Variants in PSMA1 observed in about 807,000 individuals in gnomAD.
PSMA1 encodes the protein proteasome 20S subunit alpha 1.
PSMA1 carries 3 observed loss-of-function variants against 38.4 expected under a neutral mutation model. The observed-to-expected ratio is 0.08, with a 90% CI of 0.04 to 0.20. The LOEUF is 0.20. PSMA1 is among the 10% of genes least tolerant of loss of function. PSMA1 has a pLI of 1.00. For missense variants in PSMA1, 227 were observed against 325.3 expected (o/e 0.70, Z 2.32); for synonymous variants, 101 against 107.1 (o/e 0.94, Z 0.35).
intron 2 of PSMA1, among the ~76,000 whole-genome samples, chr11:14,601,794 C>T (rs1331295674): frequency 2.0e-5 from 3 of 152,150 alleles, no homozygotes; most frequent in Non-Finnish European, 4.4e-5. Flanking sequence ...GATTAAAATC[C>T]AAGTTGTCTA....
chr11:14,620,839 C>A lies in PSMA1; in HGVS notation c.-165-9688G>T, dbSNP rs367604492. ...GACCCTGAAATTATTTCACAGCTCTCATTGTGAAAATTGTTGGGAAAGTTT... is the reference window on the plus strand; with the variant it reads ...GACCCTGAAATTATTTCACAGCTCTAATTGTGAAAATTGTTGGGAAAGTTT... On this transcript the variant is annotated intron_variant, in intron 1 of 10. Coordinates refer to the PSMA1 transcript ENST00000418988. Among the ~76,000 whole-genome samples, 9 of 152,296 alleles carry A rather than the reference C, an allele frequency of 5.9e-5. No individual in the cohort carries two copies. The East Asian group carries it at 1.5e-3, about 26-fold the overall frequency.
intron 2 of PSMA1, among the ~76,000 whole-genome samples, chr11:14,606,606 A>AGAAACATGCAC (rs1852646497): frequency 6.6e-6 from 1 of 152,234 alleles, no homozygotes; most frequent in Admixed American, 6.5e-5. Context: ...GGATGTTTCT[A>AGAAACATGCAC]ATTCATGTGC....
At chr11:14,622,659 G>C (rs1255448881) in intron 1 of PSMA1, among the ~76,000 whole-genome samples, 7 of 152,188 alleles carry the variant, frequency 4.6e-5, no homozygotes, top group Non-Finnish European at 8.8e-5. Flanking sequence ...TGAAGTGGCT[G>C]GTAGGCCTCT....
Position 14,517,627 on chromosome 11 carries a change from CA to C in PSMA1, c.254+14del. ...TGAAACAAAAAGGATGTTTATTTTT[CA>C]TGATTATACTTACCATAACAGTCTA... is the stretch of plus-strand genomic sequence containing the variant. On this transcript the variant is annotated intron_variant, in intron 4 of 9. Transcript: ENST00000396394. The C allele has an allele frequency of 3.3e-6, 5 of 1,497,146 alleles. No individual in the cohort carries two copies. Among genetic ancestry groups the C allele is most frequent in the Non-Finnish European group, 4.5e-6 (5 of 1,111,460 alleles). The allele number at this position is 1,497,146 out of a possible 1,614,324, so 92.7% of individuals were successfully genotyped here.
At chr11:14,552,135 G>C (rs1851892322) in intron 2 of PSMA1, among the ~76,000 whole-genome samples, 1 of 152,176 alleles carries the variant, frequency 6.6e-6, no homozygotes, top group Non-Finnish European at 1.5e-5. Context: ...GTTTCCCTGA[G>C]GCTGGAGAGG....
At position 14,534,606 on chromosome 11, in the gene PSMA1, G is replaced by T. The variant is rs1246013634; in HGVS notation, c.22-15565C>A. Among the ~76,000 whole-genome samples, 1 of 151,978 alleles carries T rather than the reference G, an allele frequency of 6.6e-6. No individual in the cohort carries two copies. Among genetic ancestry groups the T allele is most frequent in the East Asian group, 1.9e-4 (1 of 5,188 alleles). On this transcript the variant is annotated intron_variant, in intron 2 of 10. Coordinates refer to the PSMA1 transcript ENST00000418988. This position sits in a 1 kb window ranked among gnomAD's most constrained non-coding sequence, Gnocchi z 4.5. ...CCTGCCTCAGCCTCTAGAGTAGCTG[G>T]GTCTACAGGAGTGAGCCACTGTGCT...
At chr11:14,634,296 G>GT (rs1853083526) in intron 1 of PSMA1, among the ~76,000 whole-genome samples, 2 of 152,106 alleles carry the variant, frequency 1.3e-5, no homozygotes, top group Admixed American at 1.3e-4. Context: ...AGTTATTTGT[G>GT]TATGTCTTGT....
intron 1 of PSMA1, among the ~76,000 whole-genome samples, chr11:14,622,881 T>A (rs1428484895): frequency 6.6e-6 from 1 of 152,124 alleles, no homozygotes; most frequent in Non-Finnish European, 1.5e-5. Context: ...AATAACAACA[T>A]AGGGCCCTGG....
chr11:14,584,500 G>GTTTT (rs765040764), intron 2 of PSMA1, among the ~76,000 whole-genome samples: 2 of 133,664 alleles, frequency 1.5e-5, no homozygotes, highest in African/African-American at 3.0e-5. Context: ...TGTTTTTTTT[G>GTTTT]TTTTTTGTTT....
chr11:14,635,011 T>C (rs551385366), intron 1 of PSMA1, among the ~76,000 whole-genome samples: 26 of 152,306 alleles, frequency 1.7e-4, no homozygotes, highest in Admixed American at 5.9e-4. Context: ...GGTTTAGAAA[T>C]GTCTGGTCTA....
At chr11:14,609,983 G>C (rs1829953887) in intron 2 of PSMA1, among the ~76,000 whole-genome samples, 1 of 152,184 alleles carries the variant, frequency 6.6e-6, no homozygotes, top group South Asian at 2.1e-4. Context: ...GATAGCAGGG[G>C]AGGTGACAAA....
chr11:14,635,186 T>C (rs1565064684), intron 1 of PSMA1, among the ~76,000 whole-genome samples: 1 of 152,184 alleles, frequency 6.6e-6, no homozygotes, highest in Non-Finnish European at 1.5e-5. Context: ...AAATCAGCCA[T>C]AGCCATGAAG....
At chr11:14,517,796 TA>T (rs1851457176) in intron 3 of PSMA1, 51 bp from the exon 4 acceptor site, 29 of 1,501,824 alleles carry the variant, frequency 1.9e-5, no homozygotes, top group Non-Finnish European at 2.5e-5. Flanking sequence ...GAGACAAATG[TA>T]AAAATAAGTT....
chr11:14,540,692 G>T (rs1328912468), intron 2 of PSMA1, among the ~76,000 whole-genome samples: 1 of 152,158 alleles, frequency 6.6e-6, no homozygotes, highest in Non-Finnish European at 1.5e-5. Context: ...CTGCAGAAAA[G>T]CCCAGTTAAA....
At chr11:14,585,167 T>G (rs1034210247) in intron 2 of PSMA1, among the ~76,000 whole-genome samples, 1 of 152,204 alleles carries the variant, frequency 6.6e-6, no homozygotes, top group Non-Finnish European at 1.5e-5. Context: ...GCTCGATTGC[T>G]TGTTCCTATA....
chr11:14,625,033 C>T (rs1201015630), intron 1 of PSMA1, among the ~76,000 whole-genome samples: 3 of 152,200 alleles, frequency 2.0e-5, no homozygotes, highest in Non-Finnish European at 4.4e-5. Context: ...ATCTCACTAA[C>T]TTCCTTCTAA....
intron 2 of PSMA1, among the ~76,000 whole-genome samples, chr11:14,594,838 C>A (rs1372587733): frequency 6.6e-6 from 1 of 152,080 alleles, no homozygotes; most frequent in Admixed American, 6.6e-5. Flanking sequence ...TATACATGTG[C>A]CATGTTGGTT....
intron 2 of PSMA1, among the ~76,000 whole-genome samples, chr11:14,596,003 C>T (rs909509671): frequency 2.0e-5 from 3 of 152,132 alleles, no homozygotes; most frequent in Non-Finnish European, 4.4e-5. Flanking sequence ...ATAGAGAAAT[C>T]CTTTCCCTAT....
At chr11:14,625,717 ATCC>A (rs1191397715) in intron 1 of PSMA1, among the ~76,000 whole-genome samples, 1 of 152,008 alleles carries the variant, frequency 6.6e-6, no homozygotes, top group Non-Finnish European at 1.5e-5. Flanking sequence ...TTTCTACCTA[ATCC>A]TCCTTCCTTT....
Sources: gnomAD v4.1 joint callset for allele counts (sites outside exome capture counted in the v4.1 genomes callset) on GRCh38, gnomAD v4.1.1 for gene constraint, Gnocchi (gnomAD v3.1) non-coding constraint, MANE v1.5 for transcripts, NCBI Gene and HGNC (gene_info 2026-07-23, HGNC 2026-07-21) for gene names.